Variants in EFR3A observed in about 807,000 individuals in gnomAD.
EFR3A encodes protein EFR3 homolog A.
A neutral mutation model predicts 104.4 loss-of-function variants in EFR3A; 76 were observed. That is an observed-to-expected ratio of 0.73 (90% CI 0.60 to 0.88). EFR3A has a LOEUF of 0.88. Among genes scored for constraint, EFR3A ranks in the 40% least tolerant of loss-of-function variants. The pLI is 0.00. For missense variants in EFR3A, 985 were observed against 1,012.5 expected, an observed-to-expected ratio of 0.97 and a Z score of 0.37; for synonymous variants, 330 against 330.0, an observed-to-expected ratio of 1.00 and a Z score of 0.00.
At chr8:131,932,434 T>C (rs537342131) in intron 1 of EFR3A, among the ~76,000 whole-genome samples, 6 of 152,288 alleles carry the variant, frequency 3.9e-5, no homozygotes, top group African/African-American at 1.4e-4. Flanking sequence ...TGAATATTTA[T>C]TCAGGTTGTT....
At chr8:131,922,144 C>T (rs1010080344) in intron 1 of EFR3A, among the ~76,000 whole-genome samples, 3 of 152,058 alleles carry the variant, frequency 2.0e-5, no homozygotes, top group Non-Finnish European at 4.4e-5. Flanking sequence ...CAATCTCTTC[C>T]GCTGTCTTCA....
intron 5 of EFR3A, among the ~76,000 whole-genome samples, chr8:131,951,811 C>T (rs1202916226): frequency 6.6e-6 from 1 of 152,004 alleles, no homozygotes; most frequent in East Asian, 1.9e-4. Flanking sequence ...TCCTGTAAAA[C>T]AAATGAGTAA....
intron 5 of EFR3A, among the ~76,000 whole-genome samples, chr8:131,951,162 A>T (rs1265474419): frequency 6.6e-6 from 1 of 152,174 alleles, no homozygotes. Flanking sequence ...TACATGAAAC[A>T]AAAACAAGTA....
chr8:131,969,799 A>G (rs1268000466), intron 9 of EFR3A, among the ~76,000 whole-genome samples: 2 of 152,202 alleles, frequency 1.3e-5, no homozygotes, highest in African/African-American at 4.8e-5. Context: ...ATTAATGTCT[A>G]CTGTGTGTTA....
chr8:131,975,132 T>G (rs1366392574), intron 10 of EFR3A, among the ~76,000 whole-genome samples: 1 of 152,178 alleles, frequency 6.6e-6, no homozygotes, highest in African/African-American at 2.4e-5. Flanking sequence ...GAAACTAGAC[T>G]GCATAAGAAA....
chr8:131,998,519 T>C (rs1402354035), intron 19 of EFR3A, among the ~76,000 whole-genome samples: 1 of 152,062 alleles, frequency 6.6e-6, no homozygotes, highest in Non-Finnish European at 1.5e-5. Context: ...TACTCTAGTC[T>C]ATTGAAATAC....
intron 1 of EFR3A, among the ~76,000 whole-genome samples, chr8:131,909,026 T>C (rs184510276): frequency 3.0e-4 from 46 of 152,332 alleles, no homozygotes; most frequent in Admixed American, 9.8e-4. Flanking sequence ...CTTTGAAATA[T>C]ACAGTACATT....
intron 1 of EFR3A, among the ~76,000 whole-genome samples, chr8:131,926,664 G>A (rs2130474974): frequency 6.6e-6 from 1 of 152,118 alleles, no homozygotes; most frequent in East Asian, 1.9e-4. Context: ...CTGTTGCTCA[G>A]GCTGGAGTGC....
At chr8:131,943,549 G>C (rs568664118) in intron 2 of EFR3A, among the ~76,000 whole-genome samples, 1 of 152,112 alleles carries the variant, frequency 6.6e-6, no homozygotes, top group East Asian at 1.9e-4. Context: ...CTCCTAGACA[G>C]GAAAACTAGA....
chr8:131,970,895 C>G (rs1356513819), intron 10 of EFR3A, among the ~76,000 whole-genome samples: 3 of 152,074 alleles, frequency 2.0e-5, no homozygotes, highest in Admixed American at 6.6e-5. Context: ...TGCTTTTACT[C>G]TCTTTTTCCT....
At chr8:131,986,443 A>T (rs1820887229) in intron 17 of EFR3A, among the ~76,000 whole-genome samples, 182 bp downstream of exon 17, 1 of 152,172 alleles carries the variant, frequency 6.6e-6, no homozygotes, top group South Asian at 2.1e-4. Flanking sequence ...CACATTATGG[A>T]TGTTGACTTA....
intron 9 of EFR3A, among the ~76,000 whole-genome samples, chr8:131,968,890 A>AG (rs1212379030): frequency 1.2e-4 from 18 of 152,344 alleles, no homozygotes; most frequent in African/African-American, 4.1e-4. Context: ...TTAGTTTAGA[A>AG]GTCAGAGAAG....
chr8:131,955,051 G>A (rs1168808947), intron 6 of EFR3A, among the ~76,000 whole-genome samples: 1 of 152,038 alleles, frequency 6.6e-6, no homozygotes, highest in African/African-American at 2.4e-5. Flanking sequence ...TAGCTGAGGT[G>A]AAAGTTTCCT....
chr8:131,978,867 GA>G lies in EFR3A; in HGVS notation c.1349del (p.Lys450ArgfsTer26). Reference protein sequence around the residue: ...LLMVTSGYKAKTIVTALPGSF... With the variant: ...LLMVTSGYKAXTIVTALPGSF... ...ATCAGGTGACCTCTGGATATAAAGCGAAGACGATTGTTACTGCACTGCCAGG... is the reference window on the plus strand; with the variant it reads ...ATCAGGTGACCTCTGGATATAAAGCGAGACGATTGTTACTGCACTGCCAGG... On this transcript the variant is annotated frameshift_variant, in exon 13 of 23. Coordinates refer to ENST00000254624, the MANE Select transcript of EFR3A (RefSeq NM_015137.6). LOFTEE classifies it high-confidence loss of function. The G allele has an allele frequency of 1.2e-6, 2 of 1,601,808 alleles. No individual in the cohort carries two copies.
intron 1 of EFR3A, among the ~76,000 whole-genome samples, chr8:131,914,367 C>T (rs1374092726): frequency 1.3e-5 from 2 of 152,096 alleles, no homozygotes; most frequent in Non-Finnish European, 2.9e-5. Flanking sequence ...GGGTATCTGC[C>T]CCAGGACAGT....
At chr8:131,920,404 C>G (rs1816946587) in intron 1 of EFR3A, among the ~76,000 whole-genome samples, 1 of 152,204 alleles carries the variant, frequency 6.6e-6, no homozygotes, top group African/African-American at 2.4e-5. Context: ...TGTAGACCCT[C>G]TAACAGCATA....
At chr8:131,940,412 GC>G in intron 1 of EFR3A, 86 bp from the exon 2 acceptor site, 1 of 1,220,116 alleles carries the variant, frequency 8.2e-7, no homozygotes, top group East Asian at 2.5e-5. Context: ...ATTTTATATA[GC>G]CCATTAATAT....
At chr8:131,904,463 G>C in intron 1 of EFR3A, 141 bp downstream of exon 1, 1 of 865,994 alleles carries the variant, frequency 1.2e-6, no homozygotes, top group Non-Finnish European at 1.5e-6. Context: ...GGCGGAGTTA[G>C]TTTCGTTTCG....
intron 8 of EFR3A, among the ~76,000 whole-genome samples, chr8:131,962,914 C>T (rs1329086098): frequency 1.3e-5 from 2 of 152,240 alleles, no homozygotes; most frequent in Non-Finnish European, 2.9e-5. Flanking sequence ...GATTAAGAAA[C>T]TCACTCAAAA....
Sources: gnomAD v4.1 joint callset for allele counts (sites outside exome capture counted in the v4.1 genomes callset) on GRCh38, gnomAD v4.1.1 for gene constraint, MANE v1.5 for transcripts, NCBI Gene and HGNC (gene_info 2026-07-23, HGNC 2026-07-21) for gene names.